Variants in ELOVL7 observed in about 807,000 individuals in gnomAD.
ELOVL7 encodes the protein very long chain fatty acid elongase 7.
ELOVL7 carries 27 observed loss-of-function variants against 35.7 expected under a neutral mutation model. The observed-to-expected ratio is 0.76, with a 90% confidence interval of 0.56 to 1.04. The LOEUF is 1.04. ELOVL7 is among the 50% of genes least tolerant of loss of function. ELOVL7 has a pLI of 0.00. For missense variants in ELOVL7, 327 were observed against 340.8 expected (o/e 0.96, Z 0.32); for synonymous variants, 113 against 114.6 (o/e 0.99, Z 0.09).
chr5:60,834,463 A>G (rs888320510), intron 1 of ELOVL7, among the ~76,000 whole-genome samples: 8 of 152,226 alleles, frequency 5.3e-5, no homozygotes, highest in African/African-American at 1.7e-4. Context: ...TTATTAAAAT[A>G]AACTTAAATG....
At chr5:60,792,559 C>A (rs1289054721) in intron 2 of ELOVL7, among the ~76,000 whole-genome samples, 2 of 152,116 alleles carry the variant, frequency 1.3e-5, no homozygotes, top group Non-Finnish European at 2.9e-5. Context: ...GATTGCTAGA[C>A]AATGGGCACA....
At chr5:60,781,163 A>G (rs1409275005) in intron 3 of ELOVL7, among the ~76,000 whole-genome samples, 2 of 151,416 alleles carry the variant, frequency 1.3e-5, no homozygotes, top group Non-Finnish European at 2.9e-5. Context: ...TGAACCGGAG[A>G]TCATGCCATT....
At chr5:60,810,122 A>T (rs935909560) in intron 1 of ELOVL7, among the ~76,000 whole-genome samples, 9 of 152,182 alleles carry the variant, frequency 5.9e-5, no homozygotes, top group African/African-American at 2.2e-4. Flanking sequence ...GTGGAACTTC[A>T]CTTGAGGCTT....
At chr5:60,771,254 A>T (rs1742571297) in intron 4 of ELOVL7, among the ~76,000 whole-genome samples, 2 of 152,216 alleles carry the variant, frequency 1.3e-5, no homozygotes, top group Non-Finnish European at 2.9e-5. Context: ...GCATGTTAAT[A>T]GCACAGGGGA....
intron 3 of ELOVL7, among the ~76,000 whole-genome samples, chr5:60,775,072 T>A (rs893018817): frequency 1.3e-5 from 2 of 152,150 alleles, no homozygotes; most frequent in Non-Finnish European, 2.9e-5. Context: ...CCAAAACTCT[T>A]ATATTTGATA....
intron 1 of ELOVL7, among the ~76,000 whole-genome samples, chr5:60,841,631 T>C (rs1000258373): frequency 2.6e-5 from 4 of 152,232 alleles, no homozygotes; most frequent in Non-Finnish European, 4.4e-5. Flanking sequence ...CTGTAGCCTA[T>C]CTATGGCCAG....
At chr5:60,774,320 C>A (rs1379941302) in intron 3 of ELOVL7, among the ~76,000 whole-genome samples, 1 of 152,174 alleles carries the variant, frequency 6.6e-6, no homozygotes, top group East Asian at 1.9e-4. Context: ...GGGCTTTATT[C>A]CTGAGCTGCA....
chr5:60,765,143 T>C (rs1435212249), intron 6 of ELOVL7, among the ~76,000 whole-genome samples: 1 of 152,190 alleles, frequency 6.6e-6, no homozygotes, highest in Non-Finnish European at 1.5e-5. Context: ...AAGCTGGAAC[T>C]GAGAACATGC....
rs1741366390 is a variant in ELOVL7, at chr5:60,753,394, G to A, written c.*1230C>T. The A allele has an allele frequency of 6.6e-6, 1 of 152,144 alleles. No individual in the cohort carries two copies. The highest frequency in any genetic ancestry group is 2.1e-4 in the South Asian group (1 of 4,806). The allele number at this position is 152,144 out of a possible 1,614,324, so 9.4% of individuals were successfully genotyped here. A position where few individuals can be genotyped will look rare whatever the true frequency, so the allele number is the denominator to read the frequency against. On this transcript the variant is annotated 3_prime_UTR_variant, in exon 9 of 9. Transcript: ENST00000508821. ...CAGTCCTTCATTACATGGTTTATAG[G>A]TCTGGAAACAGAAATCCAGGTTGTT...
intron 7 of ELOVL7, among the ~76,000 whole-genome samples, chr5:60,761,752 G>C (rs1447574421): frequency 6.6e-6 from 1 of 152,124 alleles, no homozygotes; most frequent in Non-Finnish European, 1.5e-5. Context: ...TAGGAGGACA[G>C]TTTTAATAGT....
chr5:60,795,689 A>G (rs1395371869), intron 2 of ELOVL7, among the ~76,000 whole-genome samples: 2 of 152,164 alleles, frequency 1.3e-5, no homozygotes, highest in Admixed American at 6.5e-5. Flanking sequence ...CAGGGTGTCC[A>G]CTGTGCTTCT....
rs554272580 is a variant in ELOVL7 at position 60,786,770 on chromosome 5, G to A, written c.64+564C>T. 3.7e-4 allele frequency among the ~76,000 whole-genome samples: 56 copies of A among 151,986 alleles called. No individual in the cohort carries two copies. In the South Asian group the frequency reaches 8.1e-3, roughly 22 times the overall value. On this transcript the variant is annotated intron_variant, in intron 3 of 8. Coordinates refer to ENST00000508821, the MANE Select transcript of ELOVL7 (RefSeq NM_024930.3). ...GACCATCCTAACACAGTGAAACCCC[G>A]TCTCTACTAAAAATACAAAAAATTA...
intron 4 of ELOVL7, among the ~76,000 whole-genome samples, chr5:60,769,531 A>G (rs1166771753): frequency 6.6e-6 from 1 of 152,136 alleles, no homozygotes; most frequent in South Asian, 2.1e-4. Context: ...CTTCCCTTTC[A>G]ACTTCTTCAG....
intron 1 of ELOVL7, among the ~76,000 whole-genome samples, chr5:60,816,346 A>G (rs1314110686): frequency 3.3e-5 from 5 of 151,004 alleles, no homozygotes; most frequent in Middle Eastern, 3.4e-3. Context: ...GCATCACTGC[A>G]CTCCAGCCTG....
At chr5:60,774,403 G>T (rs974319918) in intron 3 of ELOVL7, among the ~76,000 whole-genome samples, 2 of 152,074 alleles carry the variant, frequency 1.3e-5, no homozygotes, top group Admixed American at 1.3e-4. Flanking sequence ...AAAACCATAT[G>T]ATTATCCCAA....
chr5:60,828,334 T>C (rs1746293119), intron 1 of ELOVL7, among the ~76,000 whole-genome samples: 1 of 152,162 alleles, frequency 6.6e-6, no homozygotes. Flanking sequence ...GATTTAGCAC[T>C]TTTCATTAAA....
chr5:60,841,062 G>A (rs951369075), intron 1 of ELOVL7, among the ~76,000 whole-genome samples: 1 of 98,382 alleles, frequency 1.0e-5, no homozygotes, highest in Non-Finnish European at 2.0e-5. Flanking sequence ...AGTCTCCTTT[G>A]TTGCCCAGGC....
chr5:60,815,332 C>T lies in ELOVL7; in HGVS notation c.-85-16102G>A, dbSNP rs562804759. ...AGCTTGGAAAGAATTTTAGGATTAC[C>T]TAAATCTAAATAACCTAAATATACA... On this transcript the variant is annotated intron_variant, in intron 1 of 8. Transcript: ENST00000508821. Among the ~76,000 whole-genome samples, 186 of 152,096 alleles carry T rather than the reference C, an allele frequency of 1.2e-3. 1 individual carries two copies. Among genetic ancestry groups the T allele is most frequent in the Non-Finnish European group, 3.2e-4 (22 of 68,014 alleles).
intron 1 of ELOVL7, among the ~76,000 whole-genome samples, chr5:60,819,272 T>C (rs973059226): frequency 7.2e-5 from 11 of 152,044 alleles, no homozygotes; most frequent in Non-Finnish European, 4.4e-5. Context: ...CTCAAATGTT[T>C]ATGAATTAAT....
Sources: gnomAD v4.1 joint callset for allele counts (sites outside exome capture counted in the v4.1 genomes callset) on GRCh38, gnomAD v4.1.1 for gene constraint, MANE v1.5 for transcripts, NCBI Gene and HGNC (gene_info 2026-07-23, HGNC 2026-07-21) for gene names.